VRK2: variants seen among roughly 807,000 people sequenced by gnomAD.
VRK2 encodes the protein serine/threonine-protein kinase VRK2.
Under a neutral mutation model 57.6 loss-of-function variants are expected in VRK2, and 60 were observed. The observed-to-expected ratio is 1.04, with a 90% confidence interval of 0.85 to 1.29. The LOEUF (loss-of-function observed/expected upper bound fraction) is 1.29. Ranked by LOEUF, VRK2 falls within the 50% of genes most tolerant of loss-of-function variation. The pLI is 0.00. For synonymous variants in VRK2, 231 were observed against 199.2 expected (o/e 1.16, Z -1.35); for missense variants, 705 against 588.1 (o/e 1.20, Z -2.06).
chr2:58,156,844 ATC>A (rs908303697), intron 12 of VRK2, among the ~76,000 whole-genome samples: 8 of 152,040 alleles, frequency 5.3e-5, no homozygotes, highest in African/African-American at 1.2e-4. Flanking sequence ...TCAGCCCTGA[ATC>A]TCTGTTAATT....
intron 2 of VRK2, among the ~76,000 whole-genome samples, chr2:58,078,146 T>C (rs1427447895): frequency 6.6e-6 from 1 of 152,120 alleles, no homozygotes; most frequent in East Asian, 1.9e-4. Flanking sequence ...ACAGTAATTC[T>C]CCATTTTCCT....
At chr2:58,095,276 A>G (rs1266586927) in intron 7 of VRK2, among the ~76,000 whole-genome samples, 1 of 149,430 alleles carries the variant, frequency 6.7e-6, no homozygotes, top group Non-Finnish European at 1.5e-5. Context: ...CCTGGGTGAC[A>G]GAGCGAGACT....
chr2:57,933,386 C>A (rs1394798661), intron 1 of VRK2, among the ~76,000 whole-genome samples: 1 of 136,498 alleles, frequency 7.3e-6, no homozygotes, highest in Non-Finnish European at 1.5e-5. Flanking sequence ...AATCTCGGCT[C>A]ACCACAACCT....
intron 7 of VRK2, among the ~76,000 whole-genome samples, chr2:58,116,839 T>G (rs1676588317): frequency 6.6e-6 from 1 of 152,170 alleles, no homozygotes; most frequent in Admixed American, 6.5e-5. Context: ...GCTGCAGGCA[T>G]TCCTTGGCCT....
At chr2:58,013,396 C>T (rs1479205283) in intron 1 of VRK2, among the ~76,000 whole-genome samples, 1 of 152,218 alleles carries the variant, frequency 6.6e-6, no homozygotes, top group African/African-American at 2.4e-5. Flanking sequence ...TATGTTTACA[C>T]ATTCTGACTG....
intron 1 of VRK2, among the ~76,000 whole-genome samples, chr2:58,009,769 C>T (rs1033968010): frequency 1.3e-5 from 2 of 151,804 alleles, no homozygotes; most frequent in African/African-American, 2.4e-5. Context: ...TTTTGTTTCC[C>T]ATTTAGATAT....
intron 12 of VRK2, among the ~76,000 whole-genome samples, chr2:58,158,175 G>A (rs1320791353): frequency 2.1e-5 from 3 of 143,840 alleles, no homozygotes; most frequent in Admixed American, 7.1e-5. Context: ...GCTGCTCTAT[G>A]ATTTGATAGC....
intron 1 of VRK2, among the ~76,000 whole-genome samples, chr2:57,943,495 C>T (rs2103961247): frequency 6.6e-6 from 1 of 152,236 alleles, no homozygotes; most frequent in South Asian, 2.1e-4. Flanking sequence ...AACATGATTA[C>T]CTAATGATAA....
At chr2:58,018,013 CAG>C (rs1673638129) in intron 1 of VRK2, 1 of 152,046 alleles carries the variant, frequency 6.6e-6, no homozygotes, top group African/African-American at 2.4e-5. Flanking sequence ...TTTTTTGATA[CAG>C]AGTCTTGCTC....
intron 1 of VRK2, among the ~76,000 whole-genome samples, chr2:57,910,121 A>G (rs1431051200): frequency 4.6e-5 from 7 of 152,068 alleles, no homozygotes; most frequent in African/African-American, 1.7e-4. Flanking sequence ...GGAAAAAAAA[A>G]AAAAACATTC....
chr2:58,030,904 C>T (rs1397555329), intron 2 of VRK2, among the ~76,000 whole-genome samples: 2 of 151,982 alleles, frequency 1.3e-5, no homozygotes, highest in African/African-American at 2.4e-5. Context: ...TAAGAAGTGC[C>T]AGCACTCTGA....
Position 58,090,841 on chromosome 2 carries a change from T to TA in VRK2, c.543+1119dup, listed in dbSNP as rs566944025. On this transcript the variant is annotated intron_variant, in intron 7 of 12. Coordinates refer to ENST00000340157, the MANE Select transcript of VRK2 (RefSeq NM_006296.7). ...TTGAGTAGGTGAATGGATAAACTGA[T>TA]ACATCCAGATAATGGAATATTATTC... Among the ~76,000 whole-genome samples, 49 of 152,264 alleles carry TA rather than the reference T, an allele frequency of 3.2e-4. No individual in the cohort carries two copies. The South Asian group carries it at 9.5e-3, about 30-fold the overall frequency.
In VRK2 at chr2:58,137,069, TCATATATAA is replaced by T. The variant is rs1432176347; in HGVS notation, c.856+1879_856+1887del. The stretch of plus-strand genomic sequence containing the variant: ...AATATATATGTGTATATATCATATA[TCATATATAA>T]CATATATATGTGTATATATCATATA... On this transcript the variant is annotated intron_variant, in intron 10 of 12. Coordinates refer to ENST00000340157, the MANE Select transcript of VRK2 (RefSeq NM_006296.7). Among the ~76,000 whole-genome samples, 104 of 116,232 alleles carry T rather than the reference TCATATATAA, an allele frequency of 8.9e-4. 2 individuals are homozygous for T. Among genetic ancestry groups the T allele is most frequent in the African/African-American group, 3.5e-3 (99 of 28,676 alleles). 76.3% of individuals were successfully genotyped at this position (116,232 alleles called of 152,430 possible).
intron 1 of VRK2, among the ~76,000 whole-genome samples, chr2:57,917,916 C>G (rs1670210751): frequency 6.6e-6 from 1 of 152,000 alleles, no homozygotes; most frequent in African/African-American, 2.4e-5. Context: ...CAGTTTGCAG[C>G]TGCCCTGTAT....
At chr2:57,996,511 G>C (rs991038456) in intron 1 of VRK2, among the ~76,000 whole-genome samples, 11 of 152,208 alleles carry the variant, frequency 7.2e-5, no homozygotes, top group Admixed American at 7.2e-4. Context: ...GTCATATCCT[G>C]AAGGAAGTCA....
chr2:58,041,972 G>GT (rs1311178599), upstream of VRK2, among the ~76,000 whole-genome samples: 5 of 151,754 alleles, frequency 3.3e-5, no homozygotes, highest in African/African-American at 1.2e-4. Flanking sequence ...CATTTTACAA[G>GT]TATCGATTGA....
intron 7 of VRK2, among the ~76,000 whole-genome samples, chr2:58,111,285 A>T (rs1388382020): frequency 1.3e-5 from 2 of 151,982 alleles, no homozygotes; most frequent in African/African-American, 4.8e-5. Context: ...ACAAAGTTAT[A>T]AAAAAAAGTA....
At chr2:58,101,057 CTT>C (rs1291059526) in intron 7 of VRK2, among the ~76,000 whole-genome samples, 3 of 151,410 alleles carry the variant, frequency 2.0e-5, no homozygotes, top group Admixed American at 2.0e-4. Flanking sequence ...CTACTAGAGT[CTT>C]ATTATTATTG....
chr2:57,981,220 G>A (rs1372960177), intron 1 of VRK2, among the ~76,000 whole-genome samples: 3 of 152,094 alleles, frequency 2.0e-5, no homozygotes, highest in Non-Finnish European at 4.4e-5. Context: ...CCTTTCATAA[G>A]GCAGCTCTCC....
Sources: gnomAD v4.1 joint callset for allele counts (sites outside exome capture counted in the v4.1 genomes callset) on GRCh38, gnomAD v4.1.1 for gene constraint, MANE v1.5 for transcripts, NCBI Gene and HGNC (gene_info 2026-07-23, HGNC 2026-07-21) for gene names.